RGS21: variants seen among roughly 807,000 people sequenced by gnomAD.
The protein encoded by RGS21 is regulator of G-protein signalling 21.
Under a neutral mutation model 18.7 loss-of-function variants are expected in RGS21, and 19 were observed. The observed-to-expected ratio is 1.01, with a 90% CI of 0.71 to 1.49. RGS21 has a LOEUF of 1.49. Ranked by LOEUF, RGS21 falls within the 40% of genes most tolerant of loss-of-function variation. The pLI, the probability that RGS21 is intolerant of heterozygous loss-of-function variation, is 0.00. For missense variants in RGS21, 194 were observed against 176.8 expected, an observed-to-expected ratio of 1.10 and a Z score of -0.55; for synonymous variants, 56 against 57.8, an observed-to-expected ratio of 0.97 and a Z score of 0.14.
chr1:192,330,478 C>CAGAT (rs1420578971), intron 1 of RGS21, among the ~76,000 whole-genome samples: 1 of 152,076 alleles, frequency 6.6e-6, no homozygotes, highest in Non-Finnish European at 1.5e-5. Context: ...AGGTTGAAGC[C>CAGAT]AGATTTTGGC....
intron 4 of RGS21, among the ~76,000 whole-genome samples, chr1:192,360,067 T>A (rs1489573666): frequency 6.6e-6 from 1 of 151,990 alleles, no homozygotes; most frequent in Admixed American, 6.6e-5. Context: ...AAATGTATTA[T>A]AATGAGAAGA....
At chr1:192,341,419 T>C (rs1360613058) in intron 1 of RGS21, among the ~76,000 whole-genome samples, 1 of 152,086 alleles carries the variant, frequency 6.6e-6, no homozygotes, top group African/African-American at 2.4e-5. Context: ...TGACGGTATT[T>C]AGATGTCCCA....
intron 1 of RGS21, among the ~76,000 whole-genome samples, chr1:192,333,060 G>GA (rs534845310): frequency 6.6e-6 from 1 of 151,848 alleles, no homozygotes; most frequent in Non-Finnish European, 1.5e-5. Flanking sequence ...AATATCACAT[G>GA]AAAAAAAGGG....
intron 4 of RGS21, among the ~76,000 whole-genome samples, chr1:192,359,182 A>G (rs1490174439): frequency 6.6e-6 from 1 of 152,144 alleles, no homozygotes; most frequent in Non-Finnish European, 1.5e-5. Flanking sequence ...TTTCACAAAC[A>G]TAATATTGAA....
At chr1:192,317,135 T>C (rs1051792680) in intron 1 of RGS21, 30 bp downstream of exon 1, 3 of 151,900 alleles carry the variant, frequency 2.0e-5, no homozygotes, top group Non-Finnish European at 4.4e-5. Context: ...AGGTTTATTA[T>C]ATAAATGAAC....
intron 3 of RGS21, among the ~76,000 whole-genome samples, chr1:192,348,674 G>T (rs1658991311): frequency 6.6e-6 from 1 of 152,078 alleles, no homozygotes; most frequent in Admixed American, 6.6e-5. Context: ...CATTTACAAA[G>T]GTATAACTTC....
At chr1:192,329,705 C>A (rs1658618171) in intron 1 of RGS21, among the ~76,000 whole-genome samples, 1 of 152,016 alleles carries the variant, frequency 6.6e-6, no homozygotes, top group Admixed American at 6.6e-5. Context: ...GTGCTATAAT[C>A]TTACTGCCTC....
Position 192,357,765 on chromosome 1 carries a change from T to A in RGS21, c.255+5552T>A, listed in dbSNP as rs1659131171. Among the ~76,000 whole-genome samples, 4 of 152,134 alleles carry A rather than the reference T, an allele frequency of 2.6e-5. 1 individual carries two copies. Among genetic ancestry groups the A allele is most frequent in the Non-Finnish European group, 2.9e-5 (2 of 67,920 alleles). On this transcript the variant is annotated intron_variant, in intron 4 of 4. Coordinates refer to ENST00000417209, the MANE Select transcript of RGS21 (RefSeq NM_001039152.3). ...AAATTATCTAGTCACATACAATATA[T>A]CTTCCTATCAACAGTTTTATTTCTC...
Position 192,365,971 on chromosome 1 carries a change from A to G in RGS21, c.306A>G (p.Glu102=), listed in dbSNP as rs185832770. The change falls in exon 5 of 5, where the codon GAA becomes GAG. Residue 102 remains glutamate, a synonymous_variant. Coordinates refer to ENST00000417209, the MANE Select transcript of RGS21 (RefSeq NM_001039152.3). The part of the protein sequence containing the change: ...TRDLISKNIA[E]PTLKCFDEAQ... Reference sequence around the variant, plus strand: ...ACCTCATCTCAAAGAATATTGCTGAACCAACACTCAAATGCTTTGATGAGG... The same window carrying G: ...ACCTCATCTCAAAGAATATTGCTGAGCCAACACTCAAATGCTTTGATGAGG... 1 of 1,610,936 alleles carries G rather than the reference A, an allele frequency of 6.2e-7. No homozygotes were observed. The highest frequency in any genetic ancestry group is 1.3e-5 in the African/African-American group (1 of 74,906).
intron 4 of RGS21, among the ~76,000 whole-genome samples, chr1:192,365,217 C>T (rs981214027): frequency 6.6e-6 from 1 of 151,420 alleles, no homozygotes; most frequent in African/African-American, 2.4e-5. Context: ...TTTTCTGCTT[C>T]TCAAAATATA....
intron 1 of RGS21, among the ~76,000 whole-genome samples, chr1:192,328,113 A>G (rs544857018): frequency 6.6e-6 from 1 of 152,304 alleles, no homozygotes; most frequent in South Asian, 2.1e-4. Flanking sequence ...TTTAAAAAAG[A>G]AGGCATACAG....
intron 1 of RGS21, among the ~76,000 whole-genome samples, chr1:192,320,374 G>T (rs530380614): frequency 2.0e-5 from 3 of 152,186 alleles, no homozygotes; most frequent in Admixed American, 2.0e-4. Context: ...CATTTTGCAA[G>T]AATACATGCA....
chr1:192,325,206 A>T lies in RGS21; in HGVS notation c.-61+8101A>T, dbSNP rs566010762. 3.9e-5 allele frequency among the ~76,000 whole-genome samples: 6 copies of T among 152,158 alleles called. No homozygotes were observed. The East Asian group carries it at 9.6e-4, about 24-fold the overall frequency. Reference sequence around the variant, plus strand: ...GACACAATGTTTAGCTCCCACTTATAACTAAGAACAGGAGGTATTTGGCTT... The same window carrying T: ...GACACAATGTTTAGCTCCCACTTATTACTAAGAACAGGAGGTATTTGGCTT... On this transcript the variant is annotated intron_variant, in intron 1 of 4. Transcript: ENST00000417209.
intron 1 of RGS21, among the ~76,000 whole-genome samples, chr1:192,327,881 C>T (rs910397439): frequency 2.6e-5 from 4 of 152,142 alleles, no homozygotes; most frequent in African/African-American, 9.7e-5. Context: ...CTGTTATATG[C>T]ATGAAATGAT....
At chr1:192,338,180 C>T (rs1557976974) in intron 1 of RGS21, among the ~76,000 whole-genome samples, 1 of 152,106 alleles carries the variant, frequency 6.6e-6, no homozygotes, top group Non-Finnish European at 1.5e-5. Flanking sequence ...ACATTTCTAA[C>T]TTCTCCATTA....
At chr1:192,325,652 G>A (rs1482075320) in intron 1 of RGS21, among the ~76,000 whole-genome samples, 1 of 152,028 alleles carries the variant, frequency 6.6e-6, no homozygotes, top group Non-Finnish European at 1.5e-5. Context: ...CATTCTGACT[G>A]GTGTGAGATG....
At chr1:192,358,126 G>A (rs992581155) in intron 4 of RGS21, among the ~76,000 whole-genome samples, 5 of 151,942 alleles carry the variant, frequency 3.3e-5, no homozygotes, top group Admixed American at 6.6e-5. Context: ...GATTTCATAT[G>A]TGTCATCTCC....
At chr1:192,336,821 T>C (rs1471768898) in intron 1 of RGS21, among the ~76,000 whole-genome samples, 3 of 151,976 alleles carry the variant, frequency 2.0e-5, no homozygotes, top group Non-Finnish European at 4.4e-5. Flanking sequence ...CCGGGGGAGA[T>C]ACCTGGTCAT....
chr1:192,358,986 G>C (rs541405606), intron 4 of RGS21, among the ~76,000 whole-genome samples: 1 of 152,058 alleles, frequency 6.6e-6, no homozygotes, highest in Non-Finnish European at 1.5e-5. Flanking sequence ...GTCAATGTCA[G>C]TTGTGTCAAG....
Sources: allele counts gnomAD v4.1 joint callset (sites outside exome capture counted in the v4.1 genomes callset), GRCh38; gene constraint gnomAD v4.1.1; transcripts MANE v1.5; gene names NCBI Gene and HGNC (gene_info 2026-07-23, HGNC 2026-07-21).